NGEF: variants seen among roughly 807,000 people sequenced by gnomAD.
NGEF encodes the protein ephexin-1.
Under a neutral mutation model 80.9 loss-of-function variants are expected in NGEF, and 31 were observed. That is an observed-to-expected ratio of 0.38 (90% CI 0.29 to 0.52). NGEF has a LOEUF of 0.52. Ranked by LOEUF, NGEF falls within the 20% of genes least tolerant of loss-of-function variation. NGEF has a pLI of 0.84. For missense variants in NGEF, 709 were observed against 926.2 expected (o/e 0.77, Z 3.04); for synonymous variants, 371 against 370.2 (o/e 1.00, Z -0.03).
intron 1 of NGEF, among the ~76,000 whole-genome samples, chr2:232,986,087 A>G (rs534791118): frequency 6.6e-6 from 1 of 152,370 alleles, no homozygotes; most frequent in South Asian, 2.1e-4. Flanking sequence ...AAGAAGACAT[A>G]CAAATGGAAA....
intron 5 of NGEF, among the ~76,000 whole-genome samples, chr2:232,907,003 C>A (rs1445505195): frequency 2.0e-5 from 3 of 150,988 alleles, no homozygotes; most frequent in Admixed American, 2.0e-4. Flanking sequence ...TAAGAGTCAT[C>A]ACCACTCCCT....
chr2:232,979,255 C>G (rs1161236529), intron 1 of NGEF, among the ~76,000 whole-genome samples: 1 of 151,812 alleles, frequency 6.6e-6, no homozygotes, highest in African/African-American at 2.4e-5. Context: ...GAGGGATGTT[C>G]ATGGTACATT....
chr2:232,915,996 CTCTA>C (rs778018866), intron 5 of NGEF, among the ~76,000 whole-genome samples: 9 of 152,248 alleles, frequency 5.9e-5, no homozygotes, highest in South Asian at 4.1e-4. Flanking sequence ...CTGCCTTCTG[CTCTA>C]TCTTTTTGTC....
intron 1 of NGEF, among the ~76,000 whole-genome samples, chr2:233,005,568 C>T (rs1574667233): frequency 6.6e-6 from 1 of 151,430 alleles, no homozygotes; most frequent in Admixed American, 6.6e-5. Context: ...CACAAGGCTC[C>T]TTATAAGAGG....
chr2:232,993,997 A>T (rs551552594), intron 1 of NGEF, among the ~76,000 whole-genome samples: 6 of 152,310 alleles, frequency 3.9e-5, no homozygotes, highest in African/African-American at 1.4e-4. Flanking sequence ...AAAATGGCAC[A>T]GTTTTGTGAA....
intron 14 of NGEF, 61 bp from the exon 15 acceptor site, chr2:232,879,740 GCTCC>G: frequency 6.6e-7 from 1 of 1,516,222 alleles, no homozygotes; most frequent in Admixed American, 1.8e-5. Context: ...CTGCACAGAG[GCTCC>G]CTCCTGGCCA....
At chr2:232,973,155 T>G (rs928797918) in intron 2 of NGEF, among the ~76,000 whole-genome samples, 1 of 152,144 alleles carries the variant, frequency 6.6e-6, no homozygotes, top group Non-Finnish European at 1.5e-5. Context: ...CCTTTATCTC[T>G]CCTGTAAACT....
intron 5 of NGEF, among the ~76,000 whole-genome samples, chr2:232,907,659 C>G (rs764402110): frequency 6.7e-6 from 1 of 148,596 alleles, no homozygotes; most frequent in Non-Finnish European, 1.5e-5. Flanking sequence ...ATCTGATTCA[C>G]TGGAATTTGC....
At chr2:232,931,704 G>A (rs950867947) in intron 3 of NGEF, among the ~76,000 whole-genome samples, 1 of 152,158 alleles carries the variant, frequency 6.6e-6, no homozygotes, top group South Asian at 2.1e-4. Flanking sequence ...TGCCAGCTGG[G>A]CCTGAGGAAA....
rs566006631 is a variant in NGEF, at chr2:232,906,344, TGG to T, written c.829-11430_829-11429del. ...GCCACCACCCCGTGTGGGAGGGAGG[TGG>T]GGGGGGTCAGCCCCCCGCCCGGCCA... On this transcript the variant is annotated intron_variant, in intron 5 of 14. Coordinates refer to ENST00000264051, the MANE Select transcript of NGEF (RefSeq NM_019850.3). Among the ~76,000 whole-genome samples, 17 of 68,536 alleles carry T rather than the reference TGG, an allele frequency of 2.5e-4. 1 individual carries two copies. Among genetic ancestry groups the T allele is most frequent in the African/African-American group, 1.1e-3 (17 of 16,040 alleles). 45.0% of individuals were successfully genotyped at this position (68,536 alleles called of 152,430 possible). A position where few individuals can be genotyped will look rare whatever the true frequency, so the allele number is the denominator to read the frequency against.
intron 3 of NGEF, among the ~76,000 whole-genome samples, chr2:232,963,019 G>A (rs1693985845): frequency 6.6e-6 from 1 of 151,876 alleles, no homozygotes; most frequent in African/African-American, 2.4e-5. Flanking sequence ...AATTCTAGCT[G>A]AATTTTTTTT....
intron 1 of NGEF, among the ~76,000 whole-genome samples, chr2:232,994,467 T>C (rs1694738706): frequency 6.6e-6 from 1 of 152,144 alleles, no homozygotes; most frequent in Admixed American, 6.5e-5. Flanking sequence ...AACTTAAGCC[T>C]TCATAATAAA....
chr2:232,899,662 T>TCG (rs1553546650), intron 5 of NGEF, among the ~76,000 whole-genome samples: 1 of 119,154 alleles, frequency 8.4e-6, no homozygotes, highest in Admixed American at 8.1e-5. Flanking sequence ...TCACATTCAC[T>TCG]CACACATGCT....
At chr2:232,967,140 C>T (rs533486265) in intron 3 of NGEF, among the ~76,000 whole-genome samples, 8 of 152,080 alleles carry the variant, frequency 5.3e-5, no homozygotes, top group Admixed American at 2.0e-4. Context: ...TGAGTTCTCA[C>T]GAGATCTGGA....
intron 8 of NGEF, among the ~76,000 whole-genome samples, chr2:232,888,835 C>G (rs1691790188): frequency 6.6e-6 from 1 of 152,230 alleles, no homozygotes; most frequent in South Asian, 2.1e-4. Context: ...GTTCAATTTT[C>G]TTCAGTTAAC....
At chr2:232,980,549 C>T (rs975062125) in intron 1 of NGEF, among the ~76,000 whole-genome samples, 5 of 151,742 alleles carry the variant, frequency 3.3e-5, no homozygotes, top group East Asian at 1.9e-4. Flanking sequence ...CCTAGGCTGG[C>T]GTGCAGTGGC....
At chr2:232,885,152 G>A (rs935027759) in intron 10 of NGEF, 128 bp downstream of exon 10, 1 of 807,748 alleles carries the variant, frequency 1.2e-6, no homozygotes, top group Admixed American at 2.2e-5. Context: ...AGGGGGCAGA[G>A]GGGATCCTAA....
Position 232,881,268 on chromosome 2 carries a change from C to T in NGEF, c.1838-18G>A, listed in dbSNP as rs575820236. The T allele has an allele frequency of 1.7e-5, 27 of 1,590,898 alleles. No individual in the cohort carries two copies. In the East Asian group the frequency reaches 2.0e-4, roughly 12 times the overall value. ...GGGGCAGTCTGAGGGACAAGAGGCA[C>T]GGGCACATCCCCACCACCGCACTAC... On this transcript the variant is annotated intron_variant, in intron 13 of 14. Transcript: ENST00000264051.
chr2:232,999,953 A>G (rs892099351), intron 1 of NGEF, among the ~76,000 whole-genome samples: 1 of 152,252 alleles, frequency 6.6e-6, no homozygotes, highest in African/African-American at 2.4e-5. Context: ...TTGGTGTCTT[A>G]GTCTGCTAAC....
Sources: gnomAD v4.1 joint callset for allele counts (sites outside exome capture counted in the v4.1 genomes callset) on GRCh38, gnomAD v4.1.1 for gene constraint, MANE v1.5 for transcripts, NCBI Gene and HGNC (gene_info 2026-07-23, HGNC 2026-07-21) for gene names.